EEA1: variants seen among roughly 807,000 people sequenced by gnomAD.
EEA1 encodes the protein early endosome antigen 1, 162kD.
Under a neutral mutation model 209.2 loss-of-function variants are expected in EEA1, and 111 were observed. The ratio of observed to expected loss-of-function variants is 0.53; its 90% confidence interval spans 0.45 to 0.62. The LOEUF (loss-of-function observed/expected upper bound fraction) is 0.62, where lower values mean the gene tolerates loss of function less well. EEA1 is among the 20% of genes least tolerant of loss of function. The probability of loss-of-function intolerance (pLI) is 0.00; values close to 1 mark genes in which losing one functional copy is unlikely to be tolerated. For missense variants in EEA1, 1,343 were observed against 1,530.8 expected, an observed-to-expected ratio of 0.88 and a Z score of 2.05; for synonymous variants, 536 against 540.6, an observed-to-expected ratio of 0.99 and a Z score of 0.12.
intron 1 of EEA1, among the ~76,000 whole-genome samples, chr12:92,900,615 GA>G (rs1880105659): frequency 6.6e-6 from 1 of 150,858 alleles, no homozygotes; most frequent in African/African-American, 2.4e-5. Context: ...AGTAAATGGC[GA>G]AAATGTTTTA....
At chr12:92,913,980 C>A (rs1473977180) in intron 1 of EEA1, among the ~76,000 whole-genome samples, 1 of 152,146 alleles carries the variant, frequency 6.6e-6, no homozygotes, top group Non-Finnish European at 1.5e-5. Flanking sequence ...AGTCTTTAAT[C>A]CTTCAGTTAA....
chr12:92,828,582 CATATATATAG>C (rs897719739), intron 11 of EEA1, among the ~76,000 whole-genome samples: 2 of 148,520 alleles, frequency 1.3e-5, no homozygotes, highest in African/African-American at 5.0e-5. Flanking sequence ...AGGAAATGAT[CATATATATAG>C]ATATATATAT....
At chr12:92,857,240 T>C in intron 5 of EEA1, 35 bp downstream of exon 5, 1 of 1,504,588 alleles carries the variant, frequency 6.6e-7, no homozygotes, top group South Asian at 1.3e-5. Flanking sequence ...AATAAACAAC[T>C]AATAAACATG....
intron 1 of EEA1, among the ~76,000 whole-genome samples, chr12:92,897,466 G>A (rs1470159179): frequency 6.6e-6 from 1 of 152,234 alleles, no homozygotes; most frequent in Non-Finnish European, 1.5e-5. Context: ...TGAGCGTGAA[G>A]TGGCTAATCA....
Position 92,809,153 on chromosome 12 carries a change from G to T in EEA1, c.2203C>A (p.Leu735Ile). The change falls in exon 18 of 29, where the codon CTA becomes ATA. Residue 735 changes from leucine to isoleucine, a missense_variant. This residue lies in a region of EEA1 where 1,307 missense variants were observed against 1,465.5 expected (regional missense o/e 0.89). Coordinates refer to ENST00000322349, the MANE Select transcript of EEA1 (RefSeq NM_003566.4). ...TTAACTTCAAGACTATCAGCTTCTA[G>T]TTTCTATGAAAGAAATATGATATGG... is the stretch of plus-strand genomic sequence containing the variant. The part of the protein sequence containing the change: ...TEELEGQIKK[L>I]EADSLEVKAS... The T allele has an allele frequency of 6.4e-7, 1 of 1,552,868 alleles. No individual in the cohort carries two copies. The highest frequency in any genetic ancestry group is 8.7e-7 in the Non-Finnish European group (1 of 1,152,134).
intron 21 of EEA1, among the ~76,000 whole-genome samples, chr12:92,790,614 TG>T (rs1381982006): frequency 6.6e-6 from 1 of 152,088 alleles, no homozygotes; most frequent in Non-Finnish European, 1.5e-5. Context: ...CCAAGAAATA[TG>T]GACTGTGTGA....
At chr12:92,827,613 T>C (rs1565824357) in intron 12 of EEA1, among the ~76,000 whole-genome samples, 1 of 152,192 alleles carries the variant, frequency 6.6e-6, no homozygotes, top group Non-Finnish European at 1.5e-5. Context: ...TACTGTTTCA[T>C]TAGGAAGTAG....
chr12:92,777,732 T>G, intron 26 of EEA1, 69 bp from the exon 27 acceptor site: 1 of 1,452,320 alleles, frequency 6.9e-7, no homozygotes, highest in Non-Finnish European at 9.3e-7. Context: ...AGGGTATAGA[T>G]AATGGACTAC....
At chr12:92,915,464 T>G (rs1246962902) in intron 1 of EEA1, among the ~76,000 whole-genome samples, 1 of 152,060 alleles carries the variant, frequency 6.6e-6, no homozygotes, top group South Asian at 2.1e-4. Context: ...GGCAAGAACC[T>G]GTCTTAAAAA....
chr12:92,897,252 C>A (rs1411515426), intron 1 of EEA1, among the ~76,000 whole-genome samples: 2 of 152,218 alleles, frequency 1.3e-5, no homozygotes, highest in Non-Finnish European at 2.9e-5. Context: ...CTATCCACAA[C>A]AAATCAGACT....
In EEA1 at chr12:92,929,025, A is replaced by G; in HGVS notation, c.24+18T>C. On this transcript the variant is annotated intron_variant, in intron 1 of 28. Coordinates refer to ENST00000322349, the MANE Select transcript of EEA1 (RefSeq NM_003566.4). ...GTCCCGCTCACGTGCTGCCAGAAAG[A>G]CGGTTTCACTCTCTTACCCTCTGTA... 6.3e-7 allele frequency: 1 copy of G among 1,588,120 alleles called. No individual in the cohort carries two copies. Among genetic ancestry groups the G allele is most frequent in the Non-Finnish European group, 8.6e-7 (1 of 1,168,306 alleles).
In EEA1 at chr12:92,770,995, T is replaced by TGG. The variant is rs1046349510; in HGVS notation, c.*5014_*5015dup. 1.4e-3 allele frequency: 65 copies of TGG among 45,638 alleles called. No homozygotes were observed. The highest frequency in any genetic ancestry group is 3.4e-3 in the African/African-American group (63 of 18,626). The allele number at this position is 45,638 out of a possible 1,614,324, so 2.8% of individuals were successfully genotyped here. ...CATAAAAATACTTTCTGGTTTTGAT[T>TGG]GGTGTGTGTGTGTGTGTGTGTGTGT... On this transcript the variant is annotated 3_prime_UTR_variant, in exon 29 of 29. Coordinates refer to ENST00000322349, the MANE Select transcript of EEA1 (RefSeq NM_003566.4).
intron 21 of EEA1, among the ~76,000 whole-genome samples, chr12:92,792,428 A>C (rs529461553): frequency 5.3e-5 from 8 of 152,190 alleles, no homozygotes; most frequent in African/African-American, 1.9e-4. Flanking sequence ...AGATGCAATA[A>C]AAAAATGATA....
chr12:92,882,238 G>A (rs56671615), intron 2 of EEA1, among the ~76,000 whole-genome samples: 2,821 of 152,010 alleles, frequency 0.019, 97 homozygotes, highest in African/African-American at 0.063. Flanking sequence ...CTCCTGAGTA[G>A]CTGGGATTAC....
chr12:92,862,408 T>C (rs1878193901), intron 3 of EEA1, among the ~76,000 whole-genome samples: 1 of 151,814 alleles, frequency 6.6e-6, no homozygotes, highest in Non-Finnish European at 1.5e-5. Context: ...TTGAACAACA[T>C]AGTGAGACAC....
chr12:92,886,384 AGGAGAGGGGAGGGGAGGGGAGGGGAGG>A (rs1879387127), intron 2 of EEA1, among the ~76,000 whole-genome samples: 1 of 53,964 alleles, frequency 1.9e-5, no homozygotes, highest in Non-Finnish European at 3.4e-5. Flanking sequence ...AGAAGAGGCG[AGGAGAGGGGAGGGGAGGGGAGGGGAGG>A]GGTGGAGAGA....
chr12:92,835,823 A>G (rs1363234625), intron 10 of EEA1, among the ~76,000 whole-genome samples: 1 of 152,188 alleles, frequency 6.6e-6, no homozygotes, highest in Non-Finnish European at 1.5e-5. Context: ...TACAAACATG[A>G]AAGAGAATTA....
At chr12:92,900,631 A>C (rs943677882) in intron 1 of EEA1, among the ~76,000 whole-genome samples, 4 of 151,618 alleles carry the variant, frequency 2.6e-5, no homozygotes, top group African/African-American at 9.7e-5. Flanking sequence ...GTTTTAAAAG[A>C]GCATTTAAAT....
chr12:92,920,914 C>T (rs1357570431), intron 1 of EEA1, among the ~76,000 whole-genome samples: 1 of 151,262 alleles, frequency 6.6e-6, no homozygotes, highest in African/African-American at 2.4e-5. Context: ...AAAAAACAAA[C>T]AACCCCATCA....
Sources: gnomAD v4.1 joint callset for allele counts (sites outside exome capture counted in the v4.1 genomes callset) on GRCh38, gnomAD v4.1.1 for gene constraint, gnomAD v4.1.1 regional missense constraint, MANE v1.5 for transcripts, NCBI Gene and HGNC (gene_info 2026-07-23, HGNC 2026-07-21) for gene names.